Variants in TSC22D1 observed in about 807,000 individuals in gnomAD.
TSC22D1 encodes the protein TSC22 domain family protein 1.
TSC22D1 carries 9 observed loss-of-function variants against 74.2 expected under a neutral mutation model. The observed-to-expected ratio is 0.12, with a 90% CI of 0.07 to 0.21. The LOEUF (loss-of-function observed/expected upper bound fraction) is 0.21, where lower values mean the gene tolerates loss of function less well. TSC22D1 is among the 10% of genes least tolerant of loss of function. TSC22D1 has a pLI of 1.00. For synonymous variants in TSC22D1, 586 were observed against 492.5 expected (o/e 1.19, Z -2.51); for missense variants, 1,427 against 1,304.7 (o/e 1.09, Z -1.44).
Position 44,433,691 on chromosome 13 carries a change from C to A in TSC22D1, c.*935G>T. ...ATCCATTTCATTAGTTAGAACTGAG[C>A]ATTTTTCAAAGTATTCAACCAGCTC... On this transcript the variant is annotated 3_prime_UTR_variant, in exon 3 of 3. Transcript: ENST00000458659. The A allele has an allele frequency of 2.5e-6, 1 of 393,592 alleles. No homozygotes were observed. The highest frequency in any genetic ancestry group is 3.5e-5 in the South Asian group (1 of 28,664). The allele number at this position is 393,592 out of a possible 1,614,324, so 24.4% of individuals were successfully genotyped here.
At chr13:44,444,292 AAAAAAAAAAAAAAAAAGAAAAG>A (rs1875445031) in intron 1 of TSC22D1, among the ~76,000 whole-genome samples, 1 of 142,060 alleles carries the variant, frequency 7.0e-6, no homozygotes, top group Admixed American at 7.0e-5. Flanking sequence ...AAAAAAAAAA[AAAAAAAAAAAAAAAAAGAAAAG>A]AAAAGAAAAA....
intron 1 of TSC22D1, 186 bp from the exon 2 acceptor site, chr13:44,436,281 C>T: frequency 1.1e-6 from 1 of 875,472 alleles, no homozygotes; most frequent in African/African-American, 1.7e-5. Context: ...CAGGCATCTC[C>T]CTATTTTAGT....
chr13:44,533,144 G>A (rs1193926636), intron 1 of TSC22D1, among the ~76,000 whole-genome samples: 1 of 152,110 alleles, frequency 6.6e-6, no homozygotes, highest in Non-Finnish European at 1.5e-5. Context: ...ATGGGAGCGG[G>A]GGCCAGGCAT....
rs116276808 is a variant in TSC22D1, at chr13:44,528,111, C to T, written c.2912+45052G>A. Among the ~76,000 whole-genome samples, 1,020 of 152,108 alleles carry T rather than the reference C, an allele frequency of 6.7e-3. 9 individuals are homozygous for T. The highest frequency in any genetic ancestry group is 0.023 in the African/African-American group (964 of 41,532). On this transcript the variant is annotated intron_variant, in intron 1 of 2. Coordinates refer to ENST00000458659, the MANE Select transcript of TSC22D1 (RefSeq NM_183422.4). ...ACTATCATAGTTAAAGACTTAAACA[C>T]CCCTCAATCAGGAATTGACAGATCC...
intron 1 of TSC22D1, among the ~76,000 whole-genome samples, chr13:44,455,715 A>T (rs1053034823): frequency 6.6e-6 from 1 of 152,172 alleles, no homozygotes; most frequent in Non-Finnish European, 1.5e-5. Context: ...ATGAGAATTA[A>T]TCGCATAGGG....
chr13:44,497,708 CCCT>C (rs1879037665), intron 1 of TSC22D1, among the ~76,000 whole-genome samples: 1 of 152,144 alleles, frequency 6.6e-6, no homozygotes, highest in African/African-American at 2.4e-5. Context: ...GTGATTTTCC[CCCT>C]TTTTCCTTTG....
Position 44,434,065 on chromosome 13 carries a change from A to C in TSC22D1, c.*561T>G. 1 of 1,528,520 alleles carries C rather than the reference A, an allele frequency of 6.5e-7. No individual in the cohort carries two copies. Among genetic ancestry groups the C allele is most frequent in the Non-Finnish European group, 8.7e-7 (1 of 1,145,314 alleles). The allele number at this position is 1,528,520 out of a possible 1,614,324, so 94.7% of individuals were successfully genotyped here. ...TTTGTCACTCTCATAGTTTTGTGTCATCCATTGTTTGAGAAGAAAGAGGCA... is the reference window on the plus strand; with the variant it reads ...TTTGTCACTCTCATAGTTTTGTGTCCTCCATTGTTTGAGAAGAAAGAGGCA... On this transcript the variant is annotated 3_prime_UTR_variant, in exon 3 of 3. Coordinates refer to ENST00000458659, the MANE Select transcript of TSC22D1 (RefSeq NM_183422.4).
chr13:44,436,022 A>T lies in TSC22D1; in HGVS notation c.2964+22T>A. On this transcript the variant is annotated intron_variant, in intron 2 of 2. Coordinates refer to ENST00000458659, the MANE Select transcript of TSC22D1 (RefSeq NM_183422.4). Reference sequence around the variant, plus strand: ...TGTGCTGTGCCCACATTTAGTATAAATGATTTTTCATCAGTACATACCATA... The same window carrying T: ...TGTGCTGTGCCCACATTTAGTATAATTGATTTTTCATCAGTACATACCATA... 3 of 1,610,822 alleles carry T rather than the reference A, an allele frequency of 1.9e-6. No homozygotes were observed. The African/African-American group carries it at 4.0e-5, about 21-fold the overall frequency.
At chr13:44,469,762 T>C (rs887171213) in intron 1 of TSC22D1, among the ~76,000 whole-genome samples, 2 of 152,144 alleles carry the variant, frequency 1.3e-5, no homozygotes, top group African/African-American at 4.8e-5. Context: ...ATTTAAGTCA[T>C]GAAAGTTCCA....
At chr13:44,535,052 C>A (rs964683206) in intron 1 of TSC22D1, among the ~76,000 whole-genome samples, 1 of 152,112 alleles carries the variant, frequency 6.6e-6, no homozygotes. Context: ...TTTCTAAATG[C>A]ACTCCAAAGC....
chr13:44,561,953 C>A (rs1360334486), intron 1 of TSC22D1, among the ~76,000 whole-genome samples: 1 of 152,134 alleles, frequency 6.6e-6, no homozygotes, highest in African/African-American at 2.4e-5. Context: ...GAGCTATGCA[C>A]ATACTTATTA....
At chr13:44,564,535 TAGA>T (rs965038177) in intron 1 of TSC22D1, among the ~76,000 whole-genome samples, 13 of 152,128 alleles carry the variant, frequency 8.5e-5, no homozygotes, top group African/African-American at 2.9e-4. Flanking sequence ...TGCAAAGGCC[TAGA>T]AGAAGAATGG....
At chr13:44,520,006 C>A (rs143956840) in intron 1 of TSC22D1, among the ~76,000 whole-genome samples, 15 of 152,136 alleles carry the variant, frequency 9.9e-5, no homozygotes, top group Non-Finnish European at 2.1e-4. Flanking sequence ...GATTTGAAGG[C>A]GAAGATCATA....
Position 44,572,031 on chromosome 13 carries a change from C to T in TSC22D1, c.2912+1132G>A, listed in dbSNP as rs562719006. Among the ~76,000 whole-genome samples, 46 of 152,164 alleles carry T rather than the reference C, an allele frequency of 3.0e-4. 1 individual carries two copies. The highest frequency in any genetic ancestry group is 1.1e-3 in the African/African-American group (46 of 41,546). On this transcript the variant is annotated intron_variant, in intron 1 of 2. Coordinates refer to ENST00000458659, the MANE Select transcript of TSC22D1 (RefSeq NM_183422.4). ...CATATAGAATATAAATGCTTAAATT[C>T]GCTTGATGAAAGTTCAATCACAAAA...
At chr13:44,569,197 GA>G (rs1158043006) in intron 1 of TSC22D1, among the ~76,000 whole-genome samples, 6 of 151,970 alleles carry the variant, frequency 3.9e-5, no homozygotes, top group Non-Finnish European at 7.4e-5. Context: ...TTTTTAATGA[GA>G]AGATTGAACC....
chr13:44,575,793 C>T lies in TSC22D1; in HGVS notation c.282G>A (p.Gln94=). ...TTCCGCCTGGCGCAAGAGGCTGTGC[C>T]TGCAGCTGAGCCTGCGAAAGGAGGT... ...SLNLLSQAQL[Q]AQPLAPGGTQ... The change falls in exon 1 of 3, where the codon CAG becomes CAA. Residue 94 remains glutamine, a synonymous_variant. Coordinates refer to ENST00000458659, the MANE Select transcript of TSC22D1 (RefSeq NM_183422.4). 7.4e-6 allele frequency: 12 copies of T among 1,613,138 alleles called. No individual in the cohort carries two copies. In the Admixed American group the frequency reaches 1.5e-4, roughly 20 times the overall value.
At chr13:44,520,818 C>T (rs1391401345) in intron 1 of TSC22D1, among the ~76,000 whole-genome samples, 3 of 152,082 alleles carry the variant, frequency 2.0e-5, no homozygotes, top group Admixed American at 1.3e-4. Flanking sequence ...TATTACTCAA[C>T]GTAAGTGTAC....
intron 1 of TSC22D1, among the ~76,000 whole-genome samples, chr13:44,440,383 A>G (rs1476978332): frequency 3.3e-5 from 5 of 152,064 alleles, no homozygotes; most frequent in African/African-American, 1.2e-4. Flanking sequence ...GTTCAAGACC[A>G]GCCTTGCCAA....
At chr13:44,503,388 T>C (rs912449165) in intron 1 of TSC22D1, among the ~76,000 whole-genome samples, 2 of 151,682 alleles carry the variant, frequency 1.3e-5, no homozygotes, top group Non-Finnish European at 1.5e-5. Flanking sequence ...CAGAAATCTG[T>C]TGGGATTCTA....
Sources: gnomAD v4.1 joint callset for allele counts (sites outside exome capture counted in the v4.1 genomes callset) on GRCh38, gnomAD v4.1.1 for gene constraint, MANE v1.5 for transcripts, NCBI Gene and HGNC (gene_info 2026-07-23, HGNC 2026-07-21) for gene names.